The following SNAI3 variants were observed in gnomAD, a reference collection of about 807,000 sequenced individuals.
The protein encoded by SNAI3 is snail family transcriptional repressor 3.
In SNAI3, 21 loss-of-function variants were observed where a neutral mutation model predicts 16.4. That is an observed-to-expected ratio of 1.28 (90% CI 0.91 to 1.85). SNAI3 has a LOEUF of 1.85. Ranked by LOEUF, SNAI3 falls within the 40% of genes most tolerant of loss-of-function variation. The pLI, the probability that SNAI3 is intolerant of heterozygous loss-of-function variation, is 0.00. For synonymous variants in SNAI3, 202 were observed against 166.6 expected, an observed-to-expected ratio of 1.21 and a Z score of -1.64; for missense variants, 457 against 372.8, an observed-to-expected ratio of 1.23 and a Z score of -1.86.
At chr16:88,679,780 A>AAAAAAAAAAAAAAAAAGAAAAC in intron 2 of SNAI3, among the ~76,000 whole-genome samples, 1 of 149,582 alleles carries the variant, frequency 6.7e-6, no homozygotes. Context: ...AAAAAAAAAA[A>AAAAAAAAAAAAAAAAAGAAAAC]AAGAAAAAGT....
At position 88,681,823 on chromosome 16, in the gene SNAI3, G is replaced by T; in HGVS notation, c.77-109C>A. On this transcript the variant is annotated intron_variant, in intron 1 of 2. Coordinates refer to ENST00000332281, the MANE Select transcript of SNAI3 (RefSeq NM_178310.4). The surrounding 1 kb of genome is among the most constrained non-coding windows in gnomAD (Gnocchi z 5.4). ...AGTCACAGCCCATCAGCAGCCTGGC[G>T]TGGGAGGTGTAGCCGGGAACCTGCA... 1 of 1,225,616 alleles carries T rather than the reference G, an allele frequency of 8.2e-7. No homozygotes were observed. Among genetic ancestry groups the T allele is most frequent in the Non-Finnish European group, 1.0e-6 (1 of 962,738 alleles). 75.9% of individuals were successfully genotyped at this position (1,225,616 alleles called of 1,614,324 possible).
In SNAI3 at chr16:88,681,749, A is replaced by G; in HGVS notation, c.77-35T>C. The stretch of plus-strand genomic sequence containing the variant: ...TGGAGGGGAGAGAATAGAAAGATGA[A>G]GACTGAATCCCCAGCACTTTGTGTT... On this transcript the variant is annotated intron_variant, in intron 1 of 2. Coordinates refer to ENST00000332281, the MANE Select transcript of SNAI3 (RefSeq NM_178310.4). The surrounding 1 kb of genome is among the most constrained non-coding windows in gnomAD (Gnocchi z 5.4). 1 of 1,397,712 alleles carries G rather than the reference A, an allele frequency of 7.2e-7. No individual in the cohort carries two copies. Among genetic ancestry groups the G allele is most frequent in the Admixed American group, 2.7e-5 (1 of 37,022 alleles). The allele number at this position is 1,397,712 out of a possible 1,614,324, so 86.6% of individuals were successfully genotyped here.
chr16:88,686,487 C>G lies in SNAI3; in HGVS notation c.-81G>C, dbSNP rs548220666. 1 of 1,560,360 alleles carries G rather than the reference C, an allele frequency of 6.4e-7. No homozygotes were observed. The highest frequency in any genetic ancestry group is 1.4e-5 in the African/African-American group (1 of 73,344). On this transcript the variant is annotated 5_prime_UTR_variant, in exon 1 of 3. Coordinates refer to ENST00000332281, the MANE Select transcript of SNAI3 (RefSeq NM_178310.4). ...GTCCGGACTGCTGCGTCCGCCGGCG[C>G]TTGAAGGGGTCAGGCTCATTAGCAT...
intron 2 of SNAI3, among the ~76,000 whole-genome samples, chr16:88,679,761 CAAA>C (rs567387152): frequency 1.5e-5 from 1 of 68,448 alleles, no homozygotes; most frequent in African/African-American, 6.6e-5. Flanking sequence ...GACTCTGTCT[CAAA>C]AAAAAAAAAA....
Position 88,686,463 on chromosome 16 carries a change from T to A in SNAI3, c.-57A>T, listed in dbSNP as rs562636587. On this transcript the variant is annotated 5_prime_UTR_variant, in exon 1 of 3. Transcript: ENST00000332281. ...CTGGGGCGGGAGGGGCGCGCCTGGG[T>A]CCGGACTGCTGCGTCCGCCGGCGCT... 1 of 1,584,164 alleles carries A rather than the reference T, an allele frequency of 6.3e-7. No homozygotes were observed. The highest frequency in any genetic ancestry group is 1.1e-5 in the South Asian group (1 of 89,294).
At position 88,678,214 on chromosome 16, in the gene SNAI3, G is replaced by A. The variant is rs1909036881; in HGVS notation, c.*234C>T. On this transcript the variant is annotated 3_prime_UTR_variant, in exon 3 of 3. Transcript: ENST00000332281. Reference sequence around the variant, plus strand: ...TCTTGTTCTGATGAAAGCCTTCCCCGGGAGAGGAGTCTCCTCTGAGTGGGC... The same window carrying A: ...TCTTGTTCTGATGAAAGCCTTCCCCAGGAGAGGAGTCTCCTCTGAGTGGGC... 1.3e-5 allele frequency: 6 copies of A among 470,170 alleles called. No homozygotes were observed. The highest frequency in any genetic ancestry group is 1.0e-4 in the South Asian group (3 of 29,128). 29.1% of individuals were successfully genotyped at this position (470,170 alleles called of 1,614,324 possible).
chr16:88,680,611 T>G (rs548158721), intron 2 of SNAI3, among the ~76,000 whole-genome samples: 1 of 152,060 alleles, frequency 6.6e-6, no homozygotes, highest in Admixed American at 6.5e-5. Context: ...TTTGTTTTTT[T>G]GTTTTGAGTT....
rs112774296 is a variant in SNAI3 at position 88,681,789 on chromosome 16, C to T, written c.77-75G>A. ...CACTTTGTGTTTTCCAACTCTGATT[C>T]GTGGACCCAGTCACAGCCCATCAGC... On this transcript the variant is annotated intron_variant, in intron 1 of 2. Coordinates refer to ENST00000332281, the MANE Select transcript of SNAI3 (RefSeq NM_178310.4). This position sits in a 1 kb window ranked among gnomAD's most constrained non-coding sequence, Gnocchi z 5.4. 30 of 1,323,558 alleles carry T rather than the reference C, an allele frequency of 2.3e-5. No homozygotes were observed. Among genetic ancestry groups the T allele is most frequent in the African/African-American group, 7.4e-5 (5 of 67,120 alleles). The allele number at this position is 1,323,558 out of a possible 1,614,324, so 82.0% of individuals were successfully genotyped here.
In SNAI3 at chr16:88,681,685, C is replaced by T; in HGVS notation, c.106G>A (p.Gly36Arg). The change falls in exon 2 of 3, where the codon GGG becomes AGG. Residue 36 changes from glycine to arginine, a missense_variant. Gly to Arg is a moderately radical substitution (Grantham distance 125). Coordinates refer to ENST00000332281, the MANE Select transcript of SNAI3 (RefSeq NM_178310.4). The surrounding 1 kb of genome is among the most constrained non-coding windows in gnomAD (Gnocchi z 5.4). ...EINGACSACG[G>R]LVVPLLPRDK... ...CGGGGGAGGAGGGGCACCACCAGCC[C>T]CCCACAGGCAGAGCAGGCACCATTG... 6.8e-7 allele frequency: 1 copy of T among 1,471,922 alleles called. No homozygotes were observed. Among genetic ancestry groups the T allele is most frequent in the South Asian group, 1.5e-5 (1 of 66,128 alleles). The allele number at this position is 1,471,922 out of a possible 1,614,324, so 91.2% of individuals were successfully genotyped here.
At chr16:88,678,723 C>T (rs1368813547) in intron 2 of SNAI3, 94 bp from the exon 3 acceptor site, 10 of 1,476,338 alleles carry the variant, frequency 6.8e-6, no homozygotes, top group South Asian at 6.8e-5. Context: ...CCCATCCCTT[C>T]CCCACAAATG....
chr16:88,679,076 A>AACACCTGTAAAGGGAAGTGTG, intron 2 of SNAI3: 1 of 985,440 alleles, frequency 1.0e-6, no homozygotes, highest in Non-Finnish European at 1.2e-6. Flanking sequence ...ACCTTGGCCC[A>AACACCTGTAAAGGGAAGTGTG]ACACCTGTAA....
chr16:88,682,996 C>G (rs1366420455), intron 1 of SNAI3, among the ~76,000 whole-genome samples: 1 of 151,000 alleles, frequency 6.6e-6, no homozygotes, highest in East Asian at 2.0e-4. Context: ...CCAGAATGGT[C>G]TCGATCTCCT....
At chr16:88,679,218 C>T (rs1597392138) in intron 2 of SNAI3, 2 of 551,450 alleles carry the variant, frequency 3.6e-6, no homozygotes, top group East Asian at 1.5e-4. Context: ...ATGCTCCTGG[C>T]CAGGCCAGCC....
intron 2 of SNAI3, chr16:88,678,934 C>G: frequency 5.1e-6 from 5 of 985,414 alleles, no homozygotes; most frequent in Non-Finnish European, 6.0e-6. Flanking sequence ...TGGCCACTCA[C>G]AGGCAAGTGG....
intron 1 of SNAI3, among the ~76,000 whole-genome samples, chr16:88,683,848 G>A (rs891592290): frequency 2.0e-5 from 3 of 152,266 alleles, no homozygotes; most frequent in East Asian, 3.9e-4. Context: ...GAGCCACTGC[G>A]CCCGGCCTGG....
At chr16:88,678,983 C>A (rs890792942) in intron 2 of SNAI3, 1 of 985,430 alleles carries the variant, frequency 1.0e-6, no homozygotes. Flanking sequence ...AGGGCAGGGG[C>A]AGAGCTGTGG....
Position 88,678,418 on chromosome 16 carries a change from T to A in SNAI3, c.*30A>T. ...ACGCCAGCTCTCCCGGTGAGGACCA[T>A]CCCTCCTACCTGCGCCGACCACGTG... On this transcript the variant is annotated 3_prime_UTR_variant, in exon 3 of 3. Transcript: ENST00000332281. 1 of 739,398 alleles carries A rather than the reference T, an allele frequency of 1.4e-6. No homozygotes were observed. 45.8% of individuals were successfully genotyped at this position (739,398 alleles called of 1,614,324 possible). A position where few individuals can be genotyped will look rare whatever the true frequency, so the allele number is the denominator to read the frequency against.
Position 88,678,500 on chromosome 16 carries a change from C to T in SNAI3, c.827G>A (p.Arg276His), listed in dbSNP as rs761104309. The T allele has an allele frequency of 7.7e-6, 6 of 782,926 alleles. No individual in the cohort carries two copies. The highest frequency in any genetic ancestry group is 1.7e-5 in the Admixed American group (1 of 58,988). The allele number at this position is 782,926 out of a possible 1,614,324, so 48.5% of individuals were successfully genotyped here. A position where few individuals can be genotyped will look rare whatever the true frequency, so the allele number is the denominator to read the frequency against. Residue 276 changes from arginine (R) to histidine (H), a missense_variant, in exon 3 of 3, where the codon CGC becomes CAC. Transcript: ENST00000332281. Reference sequence around the variant, plus strand: ...CTCATGCCGCGCCAGGAGGGACATGCGGGAGAAGGTCTTGGTGCAGCGCCG... The same window carrying T: ...CTCATGCCGCGCCAGGAGGGACATGTGGGAGAAGGTCTTGGTGCAGCGCCG... ...RCRRCTKTFS[R>H]MSLLARHEES... is the part of the protein sequence containing the mutation.
intron 1 of SNAI3, among the ~76,000 whole-genome samples, chr16:88,683,311 G>A (rs552074450): frequency 1.6e-4 from 23 of 146,162 alleles, no homozygotes; most frequent in Admixed American, 3.4e-4. Flanking sequence ...GCTGGAGTGC[G>A]ATGGCACGAT....
Sources: allele counts gnomAD v4.1 joint callset (sites outside exome capture counted in the v4.1 genomes callset), GRCh38; gene constraint gnomAD v4.1.1; non-coding constraint Gnocchi (gnomAD v3.1); transcripts MANE v1.5; gene names NCBI Gene and HGNC (gene_info 2026-07-23, HGNC 2026-07-21).